GSE1: variants seen among roughly 807,000 people sequenced by gnomAD.
GSE1 encodes genetic suppressor element 1.
GSE1 carries 32 observed loss-of-function variants against 112.6 expected under a neutral mutation model. The observed-to-expected ratio is 0.28, with a 90% CI of 0.21 to 0.38. GSE1 has a LOEUF of 0.38. Ranked by LOEUF, GSE1 falls within the 10% of genes least tolerant of loss-of-function variation. The pLI, the probability that GSE1 is intolerant of heterozygous loss-of-function variation, is 1.00. For synonymous variants in GSE1, 1,115 were observed against 735.6 expected, an observed-to-expected ratio of 1.52 and a Z score of -8.35; for missense variants, 2,348 against 1,699.2, an observed-to-expected ratio of 1.38 and a Z score of -6.71.
chr16:85,649,367 C>G (rs2051143815), intron 3 of GSE1, among the ~76,000 whole-genome samples: 1 of 152,226 alleles, frequency 6.6e-6, no homozygotes, highest in African/African-American at 2.4e-5. Context: ...CTGTCATAGT[C>G]TGTGAACTGA....
chr16:85,276,346 TGC>T (rs1198725138), intron 1 of GSE1, among the ~76,000 whole-genome samples: 2 of 144,028 alleles, frequency 1.4e-5, no homozygotes, highest in South Asian at 2.2e-4. Flanking sequence ...CAGGAAGGTG[TGC>T]CCCAGGAGCC....
intron 1 of GSE1, among the ~76,000 whole-genome samples, chr16:85,349,047 G>A (rs550001880): frequency 2.6e-5 from 4 of 152,242 alleles, no homozygotes; most frequent in South Asian, 4.1e-4. Context: ...CCTCTCCCGC[G>A]CGATCTGCCG....
intron 13 of GSE1, chr16:85,666,654 G>A (rs1567762259): frequency 1.4e-5 from 5 of 360,164 alleles, no homozygotes; most frequent in Non-Finnish European, 2.5e-5. Flanking sequence ...TTTTTGCAGA[G>A]ATTAAAAGAT....
rs930993149 is a variant in GSE1 at position 85,171,170 on chromosome 16, G to A, written c.1646G>A (p.Arg549Gln). Residue 549 changes from arginine (R) to glutamine (Q), a missense_variant, in exon 1 of 3, where the codon CGG becomes CAG. By Grantham distance (43) the Arg-to-Gln change is conservative (BLOSUM62 1). Transcript: ENST00000637419. ...CTGGAGGATGTCTGGGCCCTGTACC[G>A]GGCCTGCCAGAACGAGGAGCTCATC... 7.1e-6 allele frequency: 7 copies of A among 985,492 alleles called. No homozygotes were observed. The Admixed American group carries it at 3.1e-4, about 43-fold the overall frequency. The allele number at this position is 985,492 out of a possible 1,614,324, so 61.0% of individuals were successfully genotyped here.
Position 85,654,952 on chromosome 16 carries a change from G to C in GSE1, c.758G>C (p.Ser253Thr), listed in dbSNP as rs761789284. 1 of 1,608,782 alleles carries C rather than the reference G, an allele frequency of 6.2e-7. No individual in the cohort carries two copies. The highest frequency in any genetic ancestry group is 1.3e-5 in the African/African-American group (1 of 74,820). Residue 253 changes from serine to threonine, a missense_variant, in exon 5 of 16, where the codon AGC becomes ACC. Ser to Thr is a moderately conservative substitution (Grantham distance 58). Transcript: ENST00000253458. The stretch of plus-strand genomic sequence containing the variant: ...ACTGCTGCAGCCTACTACCACCCCA[G>C]CTACCTGGCCCCACACCCCTTCCCC... ...PATAAAYYHPSYLAPHPFPHP... is the reference protein window; with the variant it reads ...PATAAAYYHPTYLAPHPFPHP...
At chr16:85,479,881 G>A (rs1445524522) in intron 2 of GSE1, among the ~76,000 whole-genome samples, 1 of 152,170 alleles carries the variant, frequency 6.6e-6, no homozygotes, top group Non-Finnish European at 1.5e-5. Flanking sequence ...CGGGCCCAGT[G>A]GCTTATAGTT....
chr16:85,381,199 C>T (rs1243266483), intron 2 of GSE1, among the ~76,000 whole-genome samples: 2 of 152,216 alleles, frequency 1.3e-5, no homozygotes, highest in African/African-American at 2.4e-5. Flanking sequence ...GAAATGGAAT[C>T]GTACCGTTTG....
intron 2 of GSE1, among the ~76,000 whole-genome samples, chr16:85,542,609 T>G (rs2044560450): frequency 6.6e-6 from 1 of 152,206 alleles, no homozygotes; most frequent in South Asian, 2.1e-4. Flanking sequence ...TTGGGACACA[T>G]GGGTTGGGAC....
intron 2 of GSE1, among the ~76,000 whole-genome samples, chr16:85,389,218 G>A (rs921423139): frequency 1.3e-5 from 2 of 152,152 alleles, no homozygotes; most frequent in African/African-American, 4.8e-5. Flanking sequence ...CCAGCACTTT[G>A]GGAGGCCAAG....
intron 4 of GSE1, 28 bp from the exon 5 acceptor site, chr16:85,654,766 C>T (rs767729130): frequency 5.4e-6 from 8 of 1,483,220 alleles, no homozygotes; most frequent in Middle Eastern, 1.7e-4. Flanking sequence ...TCACCTGTCC[C>T]CACCTTGCCC....
At chr16:85,516,054 T>TG in intron 2 of GSE1, among the ~76,000 whole-genome samples, 1 of 152,170 alleles carries the variant, frequency 6.6e-6, no homozygotes, top group Non-Finnish European at 1.5e-5. Flanking sequence ...AAAGGAGGCC[T>TG]GGGGGTAGTG....
At chr16:85,236,013 C>CCTGGGGCTGCGG (rs1567628977) in intron 1 of GSE1, among the ~76,000 whole-genome samples, 6 of 150,748 alleles carry the variant, frequency 4.0e-5, no homozygotes, top group Non-Finnish European at 8.9e-5. Context: ...TGAGGCTGGG[C>CCTGGGGCTGCGG]CTGGGGCTGC....
chr16:85,656,380 C>T lies in GSE1; in HGVS notation c.1027C>T (p.Arg343Cys), dbSNP rs753596809. The T allele has an allele frequency of 1.8e-5, 26 of 1,462,654 alleles. No individual in the cohort carries two copies. The highest frequency in any genetic ancestry group is 4.9e-5 in the East Asian group (2 of 40,586). The allele number at this position is 1,462,654 out of a possible 1,614,324, so 90.6% of individuals were successfully genotyped here. ...CGAGGAGCTAAGGCGGGAGAGGGAGCGCGAGCGCGAGCGCGAGCGTGAGCG... is the reference window on the plus strand; with the variant it reads ...CGAGGAGCTAAGGCGGGAGAGGGAGTGCGAGCGCGAGCGCGAGCGTGAGCG... The part of the protein sequence containing the change: ...MDEELRRERE[R>C]EREREREREA... Residue 343 changes from arginine to cysteine, a missense_variant, in exon 7 of 16, where the codon CGC becomes TGC. Coordinates refer to ENST00000253458, the MANE Select transcript of GSE1 (RefSeq NM_014615.5).
At chr16:85,410,592 GC>G (rs1475378346) in intron 2 of GSE1, among the ~76,000 whole-genome samples, 1 of 5,012 alleles carries the variant, frequency 2.0e-4, no homozygotes, top group Non-Finnish European at 3.5e-4. Flanking sequence ...TTACACTCAG[GC>G]CCCCCGGATA....
intron 2 of GSE1, among the ~76,000 whole-genome samples, chr16:85,487,032 CTGATACAGGGAGGCCTTGGGCCAT>C (rs2050864598): frequency 6.6e-6 from 1 of 152,156 alleles, no homozygotes; most frequent in South Asian, 2.1e-4. Flanking sequence ...CCAGGGGGTT[CTGATACAGGGAGGCCTTGGGCCAT>C]GCTGGAAGGC....
intron 2 of GSE1, among the ~76,000 whole-genome samples, chr16:85,524,542 C>T (rs757060793): frequency 4.1e-5 from 6 of 145,262 alleles, no homozygotes; most frequent in Middle Eastern, 3.5e-3. Context: ...GGGCTTGCCA[C>T]GTGTGGGAGG....
At position 85,449,244 on chromosome 16, in the gene GSE1, G is replaced by A. The variant is rs536479465; in HGVS notation, c.2464+91601G>A. On this transcript the variant is annotated intron_variant, in intron 2 of 2. Transcript: ENST00000637419. ...CAGTGTATTGGCTTGGGGCCCCACC[G>A]CGCACCACATCTGAGCCATTCAAGA... Among the ~76,000 whole-genome samples the A allele has an allele frequency of 7.2e-5, 11 of 152,338 alleles. No individual in the cohort carries two copies. The South Asian group carries it at 2.3e-3, about 32-fold the overall frequency.
intron 2 of GSE1, among the ~76,000 whole-genome samples, chr16:85,486,883 C>T (rs2050859877): frequency 6.6e-6 from 1 of 152,214 alleles, no homozygotes; most frequent in Non-Finnish European, 1.5e-5. Context: ...ATGAGTTTAG[C>T]TGTTGCTAAA....
chr16:85,657,148 G>C, intron 7 of GSE1, 129 bp from the exon 8 acceptor site: 1 of 613,234 alleles, frequency 1.6e-6, no homozygotes. Context: ...TGAATATCTT[G>C]GTTCTGGCTG....
Sources: allele counts gnomAD v4.1 joint callset (sites outside exome capture counted in the v4.1 genomes callset), GRCh38; gene constraint gnomAD v4.1.1; transcripts MANE v1.5; gene names NCBI Gene and HGNC (gene_info 2026-07-23, HGNC 2026-07-21).